The following CALD1 variants were observed in gnomAD, a reference collection of about 807,000 sequenced individuals.
CALD1 encodes the protein caldesmon 1.
A neutral mutation model predicts 99.9 loss-of-function variants in CALD1; 33 were observed. The observed-to-expected ratio is 0.33, with a 90% CI of 0.25 to 0.44. The LOEUF (loss-of-function observed/expected upper bound fraction) is 0.44. Ranked by LOEUF, CALD1 falls within the 20% of genes least tolerant of loss-of-function variation. CALD1 has a pLI of 1.00. For missense variants in CALD1, 861 were observed against 962.1 expected (o/e 0.89, Z 1.39); for synonymous variants, 310 against 325.0 (o/e 0.95, Z 0.50).
At chr7:134,742,280 C>G (rs550387311), upstream of CALD1, among the ~76,000 whole-genome samples, 1 of 152,318 alleles carries the variant, frequency 6.6e-6, no homozygotes, top group East Asian at 1.9e-4. Flanking sequence ...AAGTGACATT[C>G]ATGCAAAAGA....
intron 1 of CALD1, among the ~76,000 whole-genome samples, chr7:134,813,647 CAACTAA>C (rs1222087529): frequency 2.0e-5 from 3 of 152,116 alleles, no homozygotes; most frequent in Admixed American, 1.3e-4. Flanking sequence ...GCAAATTCTT[CAACTAA>C]GACTAGGTTA....
In CALD1 at chr7:134,970,724, C is replaced by A. The variant is rs1808989991; in HGVS notation, c.*2379C>A. 2 of 152,134 alleles carry A rather than the reference C, an allele frequency of 1.3e-5. No individual in the cohort carries two copies. Among genetic ancestry groups the A allele is most frequent in the Non-Finnish European group, 1.5e-5 (1 of 68,020 alleles). The allele number at this position is 152,134 out of a possible 1,614,324, so 9.4% of individuals were successfully genotyped here. ...TAATAAAGATTATGGCACAGTAAAA[C>A]CTGTATTTCAGGTTGAGTCTTGGTT... On this transcript the variant is annotated 3_prime_UTR_variant, in exon 15 of 15. Transcript: ENST00000361675.
At chr7:134,732,995 A>G in the CALD1 span, among the ~76,000 whole-genome samples, 1 of 152,202 alleles carries the variant, frequency 6.6e-6, no homozygotes, top group Non-Finnish European at 1.5e-5. Flanking sequence ...CTCACACGAC[A>G]CTGATCACAC....
the CALD1 span, among the ~76,000 whole-genome samples, chr7:134,732,989 C>T: frequency 6.6e-6 from 1 of 152,216 alleles, no homozygotes; most frequent in Non-Finnish European, 1.5e-5. Context: ...CTGGAACTCA[C>T]ACGACACTGA....
At chr7:134,723,359 G>T in the CALD1 span, among the ~76,000 whole-genome samples, 2 of 152,054 alleles carry the variant, frequency 1.3e-5, no homozygotes, top group South Asian at 2.1e-4. Context: ...ATGGCTCAGA[G>T]CCCTACCCTG....
At chr7:134,957,826 A>AT (rs200354951) in intron 9 of CALD1, among the ~76,000 whole-genome samples, 8,990 of 144,848 alleles carry the variant, frequency 0.062, 833 homozygotes, top group African/African-American at 0.21. Context: ...TGAAAACTTG[A>AT]TTTTTTTTTT....
At chr7:134,931,914 C>T (rs552889496) in intron 4 of CALD1, among the ~76,000 whole-genome samples, 2 of 152,302 alleles carry the variant, frequency 1.3e-5, no homozygotes, top group East Asian at 3.9e-4. Flanking sequence ...GCTGCTATAA[C>T]GATTAGTGCC....
At chr7:134,743,084 G>A (rs1254261315), upstream of CALD1, among the ~76,000 whole-genome samples, 1 of 152,186 alleles carries the variant, frequency 6.6e-6, no homozygotes, top group African/African-American at 2.4e-5. Flanking sequence ...GAGGCCTTAG[G>A]GATTTCCACA....
At chr7:134,916,955 C>T (rs745588301) in intron 3 of CALD1, among the ~76,000 whole-genome samples, 1 of 152,180 alleles carries the variant, frequency 6.6e-6, no homozygotes, top group Non-Finnish European at 1.5e-5. Context: ...TGATTGTCTT[C>T]AGATACGAAA....
intron 1 of CALD1, among the ~76,000 whole-genome samples, chr7:134,773,820 G>A (rs982472148): frequency 6.7e-6 from 1 of 150,134 alleles, no homozygotes; most frequent in Non-Finnish European, 1.5e-5. Flanking sequence ...GTGTGTGTGT[G>A]TGTGTGTTTC....
chr7:134,837,163 G>A (rs1276598838), intron 1 of CALD1, among the ~76,000 whole-genome samples: 2 of 151,984 alleles, frequency 1.3e-5, no homozygotes, highest in African/African-American at 2.4e-5. Context: ...CTTGGGACCT[G>A]ATGGCTTAGA....
At chr7:134,890,454 G>A (rs1802099719) in intron 3 of CALD1, among the ~76,000 whole-genome samples, 1 of 152,178 alleles carries the variant, frequency 6.6e-6, no homozygotes, top group South Asian at 2.1e-4. Context: ...CGCTCTCAAT[G>A]TGTGAAGTTG....
upstream of CALD1, among the ~76,000 whole-genome samples, chr7:134,740,825 A>T (rs938982883): frequency 1.3e-5 from 2 of 152,238 alleles, no homozygotes; most frequent in Non-Finnish European, 2.9e-5. Context: ...CAAGCTCATT[A>T]GCAAAGGGAT....
chr7:134,852,269 G>A (rs994156624), intron 2 of CALD1, among the ~76,000 whole-genome samples: 1 of 151,908 alleles, frequency 6.6e-6, no homozygotes, highest in Non-Finnish European at 1.5e-5. Flanking sequence ...GTTATGGGCA[G>A]CAAGAAGCCA....
At chr7:134,858,152 T>A (rs1800399769) in intron 2 of CALD1, among the ~76,000 whole-genome samples, 1 of 151,890 alleles carries the variant, frequency 6.6e-6, no homozygotes, top group South Asian at 2.1e-4. Context: ...ATGTAAAATA[T>A]GGTGATCTCT....
intron 3 of CALD1, among the ~76,000 whole-genome samples, chr7:134,880,894 G>A (rs569000717): frequency 8.5e-5 from 13 of 152,226 alleles, no homozygotes; most frequent in African/African-American, 2.2e-4. Flanking sequence ...GATGCTCAGC[G>A]GCTTTTGAAC....
At chr7:134,856,090 G>A (rs955933095) in intron 2 of CALD1, among the ~76,000 whole-genome samples, 18 of 152,164 alleles carry the variant, frequency 1.2e-4, no homozygotes, top group African/African-American at 2.9e-4. Context: ...TCTACGAAGC[G>A]AACAAGGATG....
chr7:134,818,588 T>C (rs560394664), intron 1 of CALD1, among the ~76,000 whole-genome samples: 1 of 152,316 alleles, frequency 6.6e-6, no homozygotes, highest in East Asian at 1.9e-4. Context: ...AAAGAAAGGT[T>C]CCATGTCTCT....
chr7:134,840,320 C>G (rs1799601740), intron 1 of CALD1, among the ~76,000 whole-genome samples: 1 of 152,160 alleles, frequency 6.6e-6, no homozygotes, highest in Non-Finnish European at 1.5e-5. Context: ...GTCTTACCTT[C>G]TGGTTGTTTT....
Sources: gnomAD v4.1 joint callset for allele counts (sites outside exome capture counted in the v4.1 genomes callset) on GRCh38, gnomAD v4.1.1 for gene constraint, MANE v1.5 for transcripts, NCBI Gene and HGNC (gene_info 2026-07-23, HGNC 2026-07-21) for gene names.